The following FARP1 variants were observed in gnomAD, a reference collection of about 807,000 sequenced individuals.
FARP1 encodes FERM, ARHGEF and pleckstrin domain-containing protein 1.
Under a neutral mutation model 128.8 loss-of-function variants are expected in FARP1, and 52 were observed. The observed-to-expected ratio is 0.40, with a 90% CI of 0.32 to 0.51. The LOEUF is 0.51. Among genes scored for constraint, FARP1 ranks in the 20% least tolerant of loss-of-function variants. FARP1 has a pLI of 0.45. For missense variants in FARP1, 1,333 were observed against 1,367.9 expected (o/e 0.97, Z 0.40); for synonymous variants, 580 against 551.8 (o/e 1.05, Z -0.72).
chr13:98,370,174 C>T (rs541568542), intron 5 of FARP1, among the ~76,000 whole-genome samples: 1 of 152,280 alleles, frequency 6.6e-6, no homozygotes, highest in South Asian at 2.1e-4. Flanking sequence ...TGAGAAGGAA[C>T]CATCAGTCAT....
At chr13:98,390,676 G>A (rs1027044400) in intron 10 of FARP1, 136 bp from the exon 11 acceptor site, 5 of 655,414 alleles carry the variant, frequency 7.6e-6, no homozygotes, top group African/African-American at 7.2e-5. Flanking sequence ...ATTGCTTTTA[G>A]TCCTGGCTAG....
At position 98,218,658 on chromosome 13, in the gene FARP1, C is replaced by T. The variant is rs561794741; in HGVS notation, c.171+5245C>T. ...GTGATGAGAGTGAAGAAGCATGCCA[C>T]GATTTATATGTCCCATGCCAGTTGC... On this transcript the variant is annotated intron_variant, in intron 2 of 26. Coordinates refer to ENST00000319562, the MANE Select transcript of FARP1 (RefSeq NM_005766.4). Among the ~76,000 whole-genome samples, 39 of 152,206 alleles carry T rather than the reference C, an allele frequency of 2.6e-4. No homozygotes were observed. The South Asian group carries it at 7.9e-3, about 31-fold the overall frequency.
rs35762706 is a variant in FARP1 at position 98,318,068 on chromosome 13, CTT to C, written c.172-25675_172-25674del. ...ATCTCCTTCCTTCCTTCTCCTCCTC[CTT>C]TTTTTTTTTTTTTTTTTTGAAACAG... On this transcript the variant is annotated intron_variant, in intron 2 of 26. Coordinates refer to ENST00000319562, the MANE Select transcript of FARP1 (RefSeq NM_005766.4). Among the ~76,000 whole-genome samples the C allele has an allele frequency of 9.5e-3, 992 of 104,168 alleles. 8 individuals carry two copies. The highest frequency in any genetic ancestry group is 0.029 in the African/African-American group (835 of 28,368). 68.3% of individuals were successfully genotyped at this position (104,168 alleles called of 152,430 possible).
intron 2 of FARP1, among the ~76,000 whole-genome samples, chr13:98,304,070 G>A (rs1458358465): frequency 6.6e-6 from 1 of 152,122 alleles, no homozygotes; most frequent in Admixed American, 6.5e-5. Context: ...GCAATTATTA[G>A]CGAGGTTGCT....
intron 1 of FARP1, among the ~76,000 whole-genome samples, chr13:98,202,666 T>A (rs1880024067): frequency 6.6e-6 from 1 of 152,180 alleles, no homozygotes; most frequent in Admixed American, 6.5e-5. Flanking sequence ...TTTAGTAGAT[T>A]AAATTAAAAA....
chr13:98,162,199 ATGTT>A (rs1177572040), intron 1 of FARP1, among the ~76,000 whole-genome samples: 2 of 152,150 alleles, frequency 1.3e-5, no homozygotes, highest in Admixed American at 1.3e-4. Flanking sequence ...TGTAGCGGGA[ATGTT>A]TCCAGAAAAG....
At position 98,439,957 on chromosome 13, in the gene FARP1, A is replaced by T; in HGVS notation, c.2434-4A>T. 1.3e-6 allele frequency: 2 copies of T among 1,554,622 alleles called. No individual in the cohort carries two copies. Among genetic ancestry groups the T allele is most frequent in the Non-Finnish European group, 1.7e-6 (2 of 1,144,354 alleles). ...ATGGTGACGTTATCTTCTCTTGCCCACAGATTGAGGAGAGCGAAGACGAGT... is the reference window on the plus strand; with the variant it reads ...ATGGTGACGTTATCTTCTCTTGCCCTCAGATTGAGGAGAGCGAAGACGAGT... On this transcript the variant is annotated splice_polypyrimidine_tract_variant and splice_region_variant and intron_variant, in intron 21 of 26. Transcript: ENST00000319562.
At chr13:98,207,908 C>CACACACACACACACA (rs1555327644) in intron 1 of FARP1, among the ~76,000 whole-genome samples, 2 of 71,574 alleles carry the variant, frequency 2.8e-5, no homozygotes, top group East Asian at 6.1e-4. Context: ...ACCACCACCT[C>CACACACACACACACA]CACACACACA....
chr13:98,213,328 A>G lies in FARP1; in HGVS notation c.86A>G (p.Gln29Arg). 6.2e-7 allele frequency: 1 copy of G among 1,614,188 alleles called. No homozygotes were observed. The highest frequency in any genetic ancestry group is 1.3e-5 in the African/African-American group (1 of 75,058). The change falls in exon 2 of 27, where the codon CAG becomes CGG. Residue 29 changes from glutamine to arginine, a missense_variant. Transcript: ENST00000319562. ...GGGATCAGTACCTTGGAACGTGGAC[A>G]GAAGCCGCCCCCAACACCTTCAGGA... is the stretch of plus-strand genomic sequence containing the variant. ...NSGISTLERG[Q>R]KPPPTPSGKL...
Position 98,176,063 on chromosome 13 carries a change from G to T in FARP1, c.-24+32571G>T. The T allele has an allele frequency of 9.6e-7, 1 of 1,037,044 alleles. No individual in the cohort carries two copies. The highest frequency in any genetic ancestry group is 1.5e-6 in the Non-Finnish European group (1 of 676,076). 64.2% of individuals were successfully genotyped at this position (1,037,044 alleles called of 1,614,324 possible). ...TTGAGATCCGGATTTCAATTCTTTT[G>T]GTTACATACTCAGGCATGGGATTGC... On this transcript the variant is annotated intron_variant, in intron 1 of 26. Transcript: ENST00000319562. This position sits in a 1 kb window ranked among gnomAD's most constrained non-coding sequence, Gnocchi z 6.2.
At chr13:98,213,675 A>T (rs1461506303) in intron 2 of FARP1, among the ~76,000 whole-genome samples, 1 of 152,190 alleles carries the variant, frequency 6.6e-6, no homozygotes, top group Non-Finnish European at 1.5e-5. Flanking sequence ...TCATTCAAAT[A>T]TATATATGTA....
chr13:98,159,876 C>G (rs1020356272), intron 1 of FARP1, among the ~76,000 whole-genome samples: 6 of 152,200 alleles, frequency 3.9e-5, no homozygotes, highest in Non-Finnish European at 8.8e-5. Context: ...ACTGGCCTCA[C>G]CCTAGTGCCA....
At chr13:98,323,922 T>G (rs1887115458) in intron 2 of FARP1, among the ~76,000 whole-genome samples, 1 of 152,234 alleles carries the variant, frequency 6.6e-6, no homozygotes, top group African/African-American at 2.4e-5. Context: ...TCCGAGCAAT[T>G]AAGTACTCAA....
chr13:98,256,859 C>CTGTAATTT (rs1883612198), intron 2 of FARP1, among the ~76,000 whole-genome samples: 1 of 115,642 alleles, frequency 8.6e-6, no homozygotes, highest in Non-Finnish European at 1.8e-5. Context: ...CACACTTGGC[C>CTGTAATTT]TTACTACAGT....
chr13:98,322,700 C>T (rs1887052431), intron 2 of FARP1, among the ~76,000 whole-genome samples: 2 of 152,202 alleles, frequency 1.3e-5, no homozygotes, highest in Admixed American at 6.5e-5. Context: ...CGGGAATTAT[C>T]CAAGAATCAC....
chr13:98,274,622 C>T (rs1327462000), intron 2 of FARP1, among the ~76,000 whole-genome samples: 1 of 152,090 alleles, frequency 6.6e-6, no homozygotes, highest in East Asian at 1.9e-4. Flanking sequence ...ATGGAAAAAA[C>T]TGCAATTACT....
rs1234652433 is a variant in FARP1, at chr13:98,379,014, TCTATATATA to T, written c.496+1097_496+1105del. On this transcript the variant is annotated intron_variant, in intron 6 of 26. Coordinates refer to ENST00000319562, the MANE Select transcript of FARP1 (RefSeq NM_005766.4). ...TATATATAATATATACAATATATAA[TCTATATATA>T]ATATATATAATATATACAATATGTA... Among the ~76,000 whole-genome samples the T allele has an allele frequency of 2.3e-5, 2 of 88,618 alleles. 1 individual carries two copies. The highest frequency in any genetic ancestry group is 1.4e-4 in the African/African-American group (2 of 14,278). 58.1% of individuals were successfully genotyped at this position (88,618 alleles called of 152,430 possible). A position where few individuals can be genotyped will look rare whatever the true frequency, so the allele number is the denominator to read the frequency against.
At chr13:98,313,379 G>C (rs1464667120) in intron 2 of FARP1, among the ~76,000 whole-genome samples, 4 of 151,764 alleles carry the variant, frequency 2.6e-5, no homozygotes, top group African/African-American at 9.7e-5. Flanking sequence ...GCCGTGTGAT[G>C]ATGGGGGCAG....
At position 98,446,828 on chromosome 13, in the gene FARP1, C is replaced by T; in HGVS notation, c.3056+11C>T. ...GTACACGTTCGAAAGGTAGACACCC[C>T]CTTCCCACGCACAGGGCCCTGCAGA... On this transcript the variant is annotated intron_variant, in intron 26 of 26. Transcript: ENST00000319562. The T allele has an allele frequency of 6.2e-7, 1 of 1,613,812 alleles. No individual in the cohort carries two copies. The highest frequency in any genetic ancestry group is 8.5e-7 in the Non-Finnish European group (1 of 1,179,824).
Sources: allele counts gnomAD v4.1 joint callset (sites outside exome capture counted in the v4.1 genomes callset), GRCh38; gene constraint gnomAD v4.1.1; non-coding constraint Gnocchi (gnomAD v3.1); transcripts MANE v1.5; gene names NCBI Gene and HGNC (gene_info 2026-07-23, HGNC 2026-07-21).